Variants in CALN1 observed in about 807,000 individuals in gnomAD.
The protein encoded by CALN1 is calcium-binding protein 8.
In CALN1, 17 loss-of-function variants were observed where a neutral mutation model predicts 30.6. The observed-to-expected ratio is 0.56, with a 90% CI of 0.38 to 0.83. The LOEUF is 0.83. Among genes scored for constraint, CALN1 ranks in the 40% least tolerant of loss-of-function variants. CALN1 has a pLI of 0.00. For missense variants in CALN1, 291 were observed against 354.9 expected (o/e 0.82, Z 1.45); for synonymous variants, 156 against 131.4 (o/e 1.19, Z -1.28).
chr7:72,276,072 G>C (rs552527747), intron 3 of CALN1, among the ~76,000 whole-genome samples: 1 of 152,330 alleles, frequency 6.6e-6, no homozygotes, highest in African/African-American at 2.4e-5. Flanking sequence ...GAAAGCCACA[G>C]ATGATTCCAA....
At chr7:72,170,488 G>GTT (rs1788861113) in intron 3 of CALN1, among the ~76,000 whole-genome samples, 1 of 152,188 alleles carries the variant, frequency 6.6e-6, no homozygotes, top group South Asian at 2.1e-4. Flanking sequence ...AGACAAAAAA[G>GTT]AAGTGAATGA....
chr7:72,153,952 C>CCA (rs1383861302), intron 3 of CALN1, among the ~76,000 whole-genome samples: 2 of 152,220 alleles, frequency 1.3e-5, no homozygotes, highest in Admixed American at 6.5e-5. Flanking sequence ...GCAGCCTGAA[C>CCA]CACTAACAAT....
At chr7:72,209,065 C>T (rs1281481537) in intron 3 of CALN1, among the ~76,000 whole-genome samples, 1 of 142,662 alleles carries the variant, frequency 7.0e-6, no homozygotes, top group East Asian at 2.1e-4. Context: ...TTCCCTCCAT[C>T]CTGTCCTCTC....
chr7:72,000,249 CA>C (rs199822867), intron 5 of CALN1, among the ~76,000 whole-genome samples: 18 of 149,052 alleles, frequency 1.2e-4, no homozygotes, highest in South Asian at 4.3e-4. Flanking sequence ...GCATATTTTT[CA>C]AAAAAAAAGA....
At chr7:71,823,515 C>T (rs7808233) in intron 5 of CALN1, among the ~76,000 whole-genome samples, 36 of 152,150 alleles carry the variant, frequency 2.4e-4, no homozygotes, top group African/African-American at 3.4e-4. Context: ...GTCAGGAGTT[C>T]GAGACCAGCC....
At chr7:72,212,995 T>C (rs1178783470) in intron 3 of CALN1, among the ~76,000 whole-genome samples, 1 of 152,190 alleles carries the variant, frequency 6.6e-6, no homozygotes, top group African/African-American at 2.4e-5. Flanking sequence ...CAAGAAAGCC[T>C]CACTCTCAGG....
intron 5 of CALN1, among the ~76,000 whole-genome samples, chr7:71,935,638 G>A (rs1348421284): frequency 6.6e-6 from 1 of 152,166 alleles, no homozygotes; most frequent in Non-Finnish European, 1.5e-5. Flanking sequence ...AAGGAGAATC[G>A]CTTGAACCCG....
chr7:72,379,752 A>G (rs760189798), intron 2 of CALN1, among the ~76,000 whole-genome samples: 2 of 152,222 alleles, frequency 1.3e-5, no homozygotes, highest in Non-Finnish European at 2.9e-5. Flanking sequence ...TTAGCATTCT[A>G]TCTGTCTAAT....
chr7:71,792,411 T>C (rs1423528146), intron 6 of CALN1, among the ~76,000 whole-genome samples: 1 of 152,184 alleles, frequency 6.6e-6, no homozygotes. Flanking sequence ...CACTGATTTC[T>C]GCTTCCCTGG....
At chr7:72,428,425 T>C (rs1317700116) in intron 1 of CALN1, among the ~76,000 whole-genome samples, 1 of 151,448 alleles carries the variant, frequency 6.6e-6, no homozygotes, top group Non-Finnish European at 1.5e-5. Context: ...ACAGTCTTGC[T>C]CTGTGGTCCA....
chr7:71,971,946 AAAAAAAAAAAGAAAGAAAGAAAG>A (rs1797831249), intron 5 of CALN1, among the ~76,000 whole-genome samples: 3 of 122,184 alleles, frequency 2.5e-5, no homozygotes, highest in African/African-American at 1.1e-4. Context: ...AAAAAAAAAA[AAAAAAAAAAAGAAAGAAAGAAAG>A]AAAGAAAGAA....
chr7:72,222,476 A>G (rs1398049524), intron 3 of CALN1, among the ~76,000 whole-genome samples: 1 of 152,206 alleles, frequency 6.6e-6, no homozygotes, highest in African/African-American at 2.4e-5. Flanking sequence ...ACTCACTGTC[A>G]TAAGGACAGT....
rs1412161882 is a variant in CALN1 at position 72,205,616 on chromosome 7, G to A, written c.244+73070C>T. 4.9e-5 allele frequency among the ~76,000 whole-genome samples: 6 copies of A among 123,216 alleles called. 1 individual carries two copies. The South Asian group carries it at 8.4e-4, about 17-fold the overall frequency. The allele number at this position is 123,216 out of a possible 152,430, so 80.8% of individuals were successfully genotyped here. A position where few individuals can be genotyped will look rare whatever the true frequency, so the allele number is the denominator to read the frequency against. The stretch of plus-strand genomic sequence containing the variant: ...GGAGAAACATTTATAATATATATTG[G>A]AAATATCTTATCTCAATTTGTCAGG... On this transcript the variant is annotated intron_variant, in intron 3 of 6. Coordinates refer to ENST00000395275, the MANE Select transcript of CALN1 (RefSeq NM_031468.4).
intron 5 of CALN1, among the ~76,000 whole-genome samples, chr7:71,993,024 G>A (rs1799038413): frequency 1.3e-5 from 2 of 151,842 alleles, no homozygotes; most frequent in South Asian, 4.1e-4. Flanking sequence ...GGAGAAGAAA[G>A]AGAACCATTG....
intron 3 of CALN1, among the ~76,000 whole-genome samples, chr7:72,184,983 T>C (rs1790078010): frequency 6.6e-6 from 1 of 151,950 alleles, no homozygotes; most frequent in Non-Finnish European, 1.5e-5. Context: ...TAATTTTTTT[T>C]TGTAGAGATG....
intron 4 of CALN1, among the ~76,000 whole-genome samples, chr7:72,024,193 G>A (rs1286127225): frequency 3.3e-5 from 5 of 152,104 alleles, no homozygotes; most frequent in African/African-American, 9.7e-5. Context: ...AGTATCTGTG[G>A]TTGCTGTATC....
chr7:72,178,357 G>C (rs1005241362), intron 3 of CALN1, among the ~76,000 whole-genome samples: 1 of 152,170 alleles, frequency 6.6e-6, no homozygotes, highest in Non-Finnish European at 1.5e-5. Flanking sequence ...AGGTCGAATG[G>C]AGTAGCATTC....
intron 5 of CALN1, among the ~76,000 whole-genome samples, chr7:72,014,067 G>A (rs1395582619): frequency 1.4e-5 from 2 of 147,748 alleles, no homozygotes; most frequent in African/African-American, 2.5e-5. Flanking sequence ...ATTTCTATCA[G>A]TGTTATATGA....
At chr7:72,184,063 G>A (rs1790009712) in intron 3 of CALN1, among the ~76,000 whole-genome samples, 1 of 152,166 alleles carries the variant, frequency 6.6e-6, no homozygotes, top group Non-Finnish European at 1.5e-5. Flanking sequence ...CTTTGCTAAA[G>A]TTCTCCGTAC....
Sources: allele counts gnomAD v4.1 joint callset (sites outside exome capture counted in the v4.1 genomes callset), GRCh38; gene constraint gnomAD v4.1.1; transcripts MANE v1.5; gene names NCBI Gene and HGNC (gene_info 2026-07-23, HGNC 2026-07-21).